ABCC1: variants seen among roughly 807,000 people sequenced by gnomAD.
ABCC1 encodes the protein ATP binding cassette subfamily C member 1 (ABCC1 blood group), also known as multidrug resistance-associated protein 1.
ABCC1 carries 83 observed loss-of-function variants against 172.9 expected under a neutral mutation model. That is an observed-to-expected ratio of 0.48 (90% CI 0.40 to 0.58). ABCC1 has a LOEUF of 0.58. Among genes scored for constraint, ABCC1 ranks in the 20% least tolerant of loss-of-function variants. ABCC1 has a pLI of 0.00. For synonymous variants in ABCC1, 937 were observed against 825.2 expected, an observed-to-expected ratio of 1.14 and a Z score of -2.32; for missense variants, 1,817 against 2,002.7, an observed-to-expected ratio of 0.91 and a Z score of 1.77.
chr16:16,024,588 A>G (rs754363098), intron 5 of ABCC1, among the ~76,000 whole-genome samples: 5 of 152,150 alleles, frequency 3.3e-5, no homozygotes, highest in Non-Finnish European at 5.9e-5. Context: ...CCTGAGCTCA[A>G]GTGATGCCCT....
chr16:16,010,144 A>G (rs1305538060), intron 3 of ABCC1, among the ~76,000 whole-genome samples: 1 of 141,492 alleles, frequency 7.1e-6, no homozygotes, highest in Non-Finnish European at 1.5e-5. Flanking sequence ...TCTGGCCTCA[A>G]GCAATCCTCC....
At chr16:16,027,979 T>G (rs2048433723) in intron 5 of ABCC1, among the ~76,000 whole-genome samples, 1 of 152,152 alleles carries the variant, frequency 6.6e-6, no homozygotes, top group African/African-American at 2.4e-5. Flanking sequence ...CATTTAATCT[T>G]CACCACCAAG....
chr16:16,142,430 C>T lies in ABCC1; in HGVS notation c.*1149C>T, dbSNP rs1266789801. ...AACACGAAATACCTCCCAAGTATTA[C>T]CAGTGGGTACCAAAAAAATGTCCCC... On this transcript the variant is annotated 3_prime_UTR_variant, in exon 31 of 31. Transcript: ENST00000399410. 6.6e-6 allele frequency: 1 copy of T among 152,164 alleles called. No homozygotes were observed. Among genetic ancestry groups the T allele is most frequent in the African/African-American group, 2.4e-5 (1 of 41,430 alleles). 9.4% of individuals were successfully genotyped at this position (152,164 alleles called of 1,614,324 possible).
chr16:16,010,126 C>G (rs1477095116), intron 3 of ABCC1, among the ~76,000 whole-genome samples: 2 of 132,214 alleles, frequency 1.5e-5, no homozygotes, highest in African/African-American at 5.7e-5. Context: ...TCACTGCAGC[C>G]TCAAACTTCT....
intron 23 of ABCC1, among the ~76,000 whole-genome samples, chr16:16,119,831 A>C (rs902180276): frequency 3.3e-5 from 5 of 152,166 alleles, no homozygotes; most frequent in African/African-American, 1.2e-4. Flanking sequence ...ATTGTTCAGA[A>C]AGCAAGCTGG....
chr16:16,104,190 C>T (rs769515432), intron 20 of ABCC1, among the ~76,000 whole-genome samples: 3 of 152,146 alleles, frequency 2.0e-5, no homozygotes, highest in African/African-American at 7.2e-5. Flanking sequence ...AAGAGTGAAA[C>T]AATAAAGCTT....
chr16:16,021,273 A>G (rs752477714), intron 5 of ABCC1, among the ~76,000 whole-genome samples: 24 of 151,978 alleles, frequency 1.6e-4, no homozygotes, highest in Admixed American at 4.6e-4. Flanking sequence ...GGACTGATGT[A>G]TGCACAGATG....
chr16:16,064,167 G>C (rs1303487050), intron 12 of ABCC1, among the ~76,000 whole-genome samples: 1 of 152,074 alleles, frequency 6.6e-6, no homozygotes, highest in Non-Finnish European at 1.5e-5. Flanking sequence ...TCCATTCATT[G>C]GTTTTCCACG....
intron 10 of ABCC1, among the ~76,000 whole-genome samples, chr16:16,051,476 A>G (rs974467703): frequency 2.6e-5 from 4 of 152,124 alleles, no homozygotes; most frequent in East Asian, 3.8e-4. Context: ...CCTGGCCACA[A>G]GGCTATAAGT....
rs1191001442 is a variant in ABCC1 at position 16,068,452 on chromosome 16, T to TC, written c.1824+151dup. Reference sequence around the variant, plus strand: ...CAAAGGCTGCCATGCTTTCGTCTGGTCATGCCTGAAAGAAAGAAAACACAT... The same window carrying TC: ...CAAAGGCTGCCATGCTTTCGTCTGGTCCATGCCTGAAAGAAAGAAAACACAT... On this transcript the variant is annotated intron_variant, in intron 13 of 30. Coordinates refer to ENST00000399410, the MANE Select transcript of ABCC1 (RefSeq NM_004996.4). 3.3e-6 allele frequency: 3 copies of TC among 906,962 alleles called. No homozygotes were observed. In the African/African-American group the frequency reaches 5.0e-5, roughly 15 times the overall value. 56.2% of individuals were successfully genotyped at this position (906,962 alleles called of 1,614,324 possible). A position where few individuals can be genotyped will look rare whatever the true frequency, so the allele number is the denominator to read the frequency against.
chr16:16,009,849 T>C lies in ABCC1; in HGVS notation c.299T>C (p.Ile100Thr), dbSNP rs1368775840. Residue 100 changes from isoleucine (I) to threonine (T), a missense_variant, in exon 3 of 31, where the codon ATA becomes ACA. By Grantham distance (89) the Ile-to-Thr change is moderately conservative (BLOSUM62 -1). Around this residue, in one of 3 missense-constraint regions of ABCC1, gnomAD observed 398 missense variants for 384.2 expected, o/e 1.04. Coordinates refer to ENST00000399410, the MANE Select transcript of ABCC1 (RefSeq NM_004996.4). Reference protein sequence around the residue: ...FYSFWERSRGIFLAPVFLVSP... With the variant: ...FYSFWERSRGTFLAPVFLVSP... ...TCTTTCTGGGAAAGAAGTCGGGGCA[T>C]ATTCCTGGCCCCAGTGTTTCTGGTC... 5.0e-6 allele frequency: 8 copies of C among 1,611,862 alleles called. No individual in the cohort carries two copies. The Admixed American group carries it at 1.0e-4, about 20-fold the overall frequency.
intron 1 of ABCC1, among the ~76,000 whole-genome samples, chr16:15,980,600 C>T (rs996410580): frequency 2.0e-5 from 3 of 152,074 alleles, no homozygotes; most frequent in Admixed American, 6.6e-5. Flanking sequence ...AGGTAACTGC[C>T]CCCATGATTG....
intron 1 of ABCC1, among the ~76,000 whole-genome samples, chr16:15,982,117 G>T (rs529004715): frequency 6.6e-6 from 1 of 152,248 alleles, no homozygotes; most frequent in South Asian, 2.1e-4. Flanking sequence ...TCCCTAGGAA[G>T]TTCCAAACTT....
In ABCC1 at chr16:16,036,500, C is replaced by T. The variant is rs8187849; in HGVS notation, c.706C>T (p.Leu236=). ...GLIVRGYRQP[L]EGSDLWSLNK... is the part of the protein sequence containing the mutation. ...GATTGTCCGGGGCTACCGCCAGCCC[C>T]TGGAGGGCAGTGACCTCTGGTCCTT... is the stretch of plus-strand genomic sequence containing the variant. Residue 236 remains leucine (L), a synonymous_variant, in exon 7 of 31, where the codon CTG becomes TTG. Coordinates refer to ENST00000399410, the MANE Select transcript of ABCC1 (RefSeq NM_004996.4). 4,658 of 1,613,976 alleles carry T rather than the reference C, an allele frequency of 2.9e-3. 65 individuals are homozygous for T. In the African/African-American group the frequency reaches 0.037, roughly 13 times the overall value.
intron 21 of ABCC1, among the ~76,000 whole-genome samples, chr16:16,110,392 ATTTTT>A (rs1007017969): frequency 2.0e-5 from 3 of 150,530 alleles, no homozygotes; most frequent in African/African-American, 7.3e-5. Flanking sequence ...AGCACTCTTT[ATTTTT>A]TTTTATTTTT....
At chr16:16,124,171 G>C (rs74506321) in intron 24 of ABCC1, among the ~76,000 whole-genome samples, 2 of 152,122 alleles carry the variant, frequency 1.3e-5, no homozygotes, top group African/African-American at 4.8e-5. Flanking sequence ...GATCTGTCTC[G>C]TAACAAGAGA....
chr16:16,057,253 G>GA (rs1346831835), intron 12 of ABCC1, among the ~76,000 whole-genome samples: 5 of 150,928 alleles, frequency 3.3e-5, no homozygotes, highest in African/African-American at 1.2e-4. Flanking sequence ...CAGCTACTCA[G>GA]GAGGCCGAGA....
intron 14 of ABCC1, among the ~76,000 whole-genome samples, chr16:16,072,635 C>A (rs983573735): frequency 3.3e-5 from 5 of 151,952 alleles, no homozygotes; most frequent in Admixed American, 3.3e-4. Context: ...CTGCACCTGG[C>A]CATGCATTTT....
chr16:16,070,558 G>A (rs1399107074), intron 13 of ABCC1, among the ~76,000 whole-genome samples: 1 of 151,882 alleles, frequency 6.6e-6, no homozygotes, highest in Non-Finnish European at 1.5e-5. Flanking sequence ...CCAGCTACTC[G>A]GTTGGCTGAG....
Sources: allele counts gnomAD v4.1 joint callset (sites outside exome capture counted in the v4.1 genomes callset), GRCh38; gene constraint gnomAD v4.1.1; regional missense constraint gnomAD v4.1.1; transcripts MANE v1.5; gene names NCBI Gene and HGNC (gene_info 2026-07-23, HGNC 2026-07-21).